Variants in ADGRF5 observed in about 807,000 individuals in gnomAD.
ADGRF5 encodes the protein G-protein coupled receptor 116.
Under a neutral mutation model 132.3 loss-of-function variants are expected in ADGRF5, and 75 were observed. The ratio of observed to expected loss-of-function variants is 0.57; its 90% confidence interval spans 0.47 to 0.69. The LOEUF (loss-of-function observed/expected upper bound fraction) is 0.69. ADGRF5 is among the 30% of genes least tolerant of loss of function. The pLI, the probability that ADGRF5 is intolerant of heterozygous loss-of-function variation, is 0.00. For synonymous variants in ADGRF5, 629 were observed against 597.6 expected (o/e 1.05, Z -0.77); for missense variants, 1,516 against 1,630.6 (o/e 0.93, Z 1.21).
At chr6:46,949,177 T>C (rs1175537563) in intron 1 of ADGRF5, among the ~76,000 whole-genome samples, 1 of 152,228 alleles carries the variant, frequency 6.6e-6, no homozygotes, top group Admixed American at 6.5e-5. Flanking sequence ...TGAAAACATA[T>C]AGCATTTGCT....
At chr6:46,873,886 C>T (rs916086307) in intron 10 of ADGRF5, among the ~76,000 whole-genome samples, 4 of 152,202 alleles carry the variant, frequency 2.6e-5, no homozygotes, top group African/African-American at 9.6e-5. Context: ...CATGCACTCA[C>T]CTTTTACCCC....
intron 2 of ADGRF5, among the ~76,000 whole-genome samples, chr6:46,903,075 C>A (rs897648748): frequency 6.6e-6 from 1 of 152,164 alleles, no homozygotes; most frequent in Non-Finnish European, 1.5e-5. Context: ...TGGTGAGTGT[C>A]GTGTATCCTG....
chr6:46,881,478 TTG>T lies in ADGRF5; in HGVS notation c.789_790del (p.Tyr263Ter). 6.2e-7 allele frequency: 1 copy of T among 1,613,208 alleles called. No homozygotes were observed. Among genetic ancestry groups the T allele is most frequent in the Non-Finnish European group, 8.5e-7 (1 of 1,179,346 alleles). On this transcript the variant is annotated stop_gained and frameshift_variant, in exon 8 of 21. Coordinates refer to ENST00000283296, the MANE Select transcript of ADGRF5 (RefSeq NM_001098518.2). LOFTEE classifies it high-confidence loss of function. ...ACTGATAGTAACTGCTTGAAAGGAG[TTG>T]TAGTCCATTTTGTAGGTCTGATTGA...
intron 2 of ADGRF5, 127 bp downstream of exon 2, chr6:46,906,534 C>T (rs112566638): frequency 1.7e-4 from 110 of 650,502 alleles, no homozygotes; most frequent in African/African-American, 1.4e-3. Flanking sequence ...TATGTTGCAA[C>T]TATGGGAAGA....
chr6:46,941,654 T>TC, intron 1 of ADGRF5, among the ~76,000 whole-genome samples: 1 of 152,076 alleles, frequency 6.6e-6, no homozygotes, highest in East Asian at 1.9e-4. Flanking sequence ...GCATGGTTTT[T>TC]TTTTTTTTAC....
intron 1 of ADGRF5, among the ~76,000 whole-genome samples, chr6:46,944,986 C>A (rs1193791554): frequency 6.6e-6 from 1 of 152,184 alleles, no homozygotes; most frequent in African/African-American, 2.4e-5. Context: ...ATCTCCATGG[C>A]TTTGAAAGAA....
intron 1 of ADGRF5, among the ~76,000 whole-genome samples, chr6:46,927,329 T>C (rs538270324): frequency 6.6e-6 from 1 of 152,026 alleles, no homozygotes; most frequent in South Asian, 2.1e-4. Context: ...TGGGCAGAGC[T>C]AGTGATCATT....
intron 2 of ADGRF5, among the ~76,000 whole-genome samples, chr6:46,901,222 C>G (rs1490238590): frequency 1.3e-5 from 2 of 152,170 alleles, no homozygotes; most frequent in Non-Finnish European, 2.9e-5. Flanking sequence ...AGCTCTGCAG[C>G]TGGTAACAGA....
intron 1 of ADGRF5, among the ~76,000 whole-genome samples, chr6:46,930,441 G>A (rs934643216): frequency 5.3e-5 from 8 of 152,142 alleles, no homozygotes; most frequent in Admixed American, 1.3e-4. Context: ...CCATATTAGT[G>A]TGAACTAATT....
At position 46,884,116 on chromosome 6, in the gene ADGRF5, G is replaced by T; in HGVS notation, c.484C>A (p.Pro162Thr). ...TTACCTTCCTGAAGCAGGCAAAAAGGTCCATTGGGAGGCAGTTCTTTAAGG... is the reference window on the plus strand; with the variant it reads ...TTACCTTCCTGAAGCAGGCAAAAAGTTCCATTGGGAGGCAGTTCTTTAAGG... The part of the protein sequence containing the change: ...SCLKELPPNG[P>T]FCLLQEDVTL... Residue 162 changes from proline to threonine, a missense_variant, in exon 5 of 21, where the codon CCT becomes ACT. This residue lies in a region of ADGRF5 where 945 missense variants were observed against 929.4 expected (regional missense o/e 1.02). Coordinates refer to ENST00000283296, the MANE Select transcript of ADGRF5 (RefSeq NM_001098518.2). 1 of 1,613,954 alleles carries T rather than the reference G, an allele frequency of 6.2e-7. No individual in the cohort carries two copies. Among genetic ancestry groups the T allele is most frequent in the African/African-American group, 1.3e-5 (1 of 75,048 alleles).
At chr6:46,935,444 G>A (rs879564624) in intron 1 of ADGRF5, among the ~76,000 whole-genome samples, 1 of 152,146 alleles carries the variant, frequency 6.6e-6, no homozygotes, top group Non-Finnish European at 1.5e-5. Context: ...TCTCTTGTGG[G>A]CTCTTCATGC....
intron 1 of ADGRF5, among the ~76,000 whole-genome samples, chr6:46,914,801 C>T (rs1195586404): frequency 6.6e-6 from 1 of 151,670 alleles, no homozygotes; most frequent in Non-Finnish European, 1.5e-5. Flanking sequence ...CAATTGCAGA[C>T]GGAGGGAAGC....
chr6:46,929,782 C>T (rs976517252), intron 1 of ADGRF5, among the ~76,000 whole-genome samples: 2 of 151,758 alleles, frequency 1.3e-5, no homozygotes, highest in African/African-American at 2.4e-5. Context: ...GTTTCCAGGG[C>T]CTATATTCTT....
intron 1 of ADGRF5, among the ~76,000 whole-genome samples, chr6:46,946,153 C>T (rs575097906): frequency 7.2e-5 from 11 of 152,220 alleles, no homozygotes; most frequent in South Asian, 4.2e-4. Context: ...TGGCTGGCCC[C>T]GGTTATAGCC....
Position 46,893,058 on chromosome 6 carries a change from A to ATTTTTT in ADGRF5, c.158-4559_158-4554dup, listed in dbSNP as rs35014340. Among the ~76,000 whole-genome samples, 390 of 86,728 alleles carry ATTTTTT rather than the reference A, an allele frequency of 4.5e-3. 33 individuals are homozygous for ATTTTTT. Among genetic ancestry groups the ATTTTTT allele is most frequent in the Non-Finnish European group, 5.1e-3 (244 of 47,722 alleles). The allele number at this position is 86,728 out of a possible 152,430, so 56.9% of individuals were successfully genotyped here. The stretch of plus-strand genomic sequence containing the variant: ...GGCAAGAGTGATGGGGACAACAGGG[A>ATTTTTT]TTTTTTTTTTTTTTTTTTTTTTTTT... On this transcript the variant is annotated intron_variant, in intron 3 of 20. Coordinates refer to ENST00000283296, the MANE Select transcript of ADGRF5 (RefSeq NM_001098518.2).
At chr6:46,921,612 G>C (rs1028382199) in intron 1 of ADGRF5, 101 bp downstream of exon 1, 1 of 152,202 alleles carries the variant, frequency 6.6e-6, no homozygotes, top group African/African-American at 2.4e-5. Flanking sequence ...AAAGAGGATC[G>C]TAAGTGGAAG....
intron 2 of ADGRF5, among the ~76,000 whole-genome samples, chr6:46,904,011 TCC>T (rs1384200532): frequency 6.6e-6 from 1 of 152,152 alleles, no homozygotes; most frequent in African/African-American, 2.4e-5. Flanking sequence ...GAGCTGGGCT[TCC>T]ACTCAGACCT....
intron 1 of ADGRF5, among the ~76,000 whole-genome samples, chr6:46,934,595 T>C (rs879778684): frequency 1.3e-5 from 2 of 152,174 alleles, no homozygotes; most frequent in Non-Finnish European, 2.9e-5. Context: ...ATGACAGAAT[T>C]GAAGCTACAT....
At chr6:46,867,195 CT>C (rs1000683570) in intron 12 of ADGRF5, 58 bp from the exon 13 acceptor site, 2 of 1,032,172 alleles carry the variant, frequency 1.9e-6, no homozygotes, top group African/African-American at 3.1e-5. Flanking sequence ...TCAAAAGCAT[CT>C]GCTGGGAAGG....
Sources: gnomAD v4.1 joint callset for allele counts (sites outside exome capture counted in the v4.1 genomes callset) on GRCh38, gnomAD v4.1.1 for gene constraint, gnomAD v4.1.1 regional missense constraint, MANE v1.5 for transcripts, NCBI Gene and HGNC (gene_info 2026-07-23, HGNC 2026-07-21) for gene names.